The following B3GNT2 variants were observed in gnomAD, a reference collection of about 807,000 sequenced individuals.
B3GNT2 encodes UDP-GlcNAc:betaGal beta-1,3-N-acetylglucosaminyltransferase 2, also known as N-acetyllactosaminide beta-1,3-N-acetylglucosaminyltransferase 2.
B3GNT2 carries 12 observed loss-of-function variants against 27.6 expected under a neutral mutation model. The ratio of observed to expected loss-of-function variants is 0.44; its 90% CI spans 0.28 to 0.71. The LOEUF is 0.71. Ranked by LOEUF, B3GNT2 falls within the 30% of genes least tolerant of loss-of-function variation. The pLI is 0.17. For synonymous variants in B3GNT2, 192 were observed against 189.7 expected (o/e 1.01, Z -0.10); for missense variants, 413 against 488.5 (o/e 0.85, Z 1.46).
At chr2:62,212,746 G>C (rs1020825766) in intron 1 of B3GNT2, among the ~76,000 whole-genome samples, 2 of 151,970 alleles carry the variant, frequency 1.3e-5, no homozygotes, top group South Asian at 4.2e-4. Context: ...TTTTTCATCT[G>C]TTCCAGGGCA....
At chr2:62,208,092 T>C (rs1334531863) in intron 1 of B3GNT2, among the ~76,000 whole-genome samples, 1 of 152,180 alleles carries the variant, frequency 6.6e-6, no homozygotes, top group Non-Finnish European at 1.5e-5. Flanking sequence ...TCTTGTACAT[T>C]TTACTATGTA....
chr2:62,221,253 T>C (rs1363328622), intron 1 of B3GNT2, among the ~76,000 whole-genome samples: 1 of 152,250 alleles, frequency 6.6e-6, no homozygotes, highest in Non-Finnish European at 1.5e-5. Flanking sequence ...TCCCTTTCTA[T>C]TGCCGAGGGG....
At chr2:62,212,353 C>T (rs1674496876) in intron 1 of B3GNT2, among the ~76,000 whole-genome samples, 1 of 152,130 alleles carries the variant, frequency 6.6e-6, no homozygotes, top group African/African-American at 2.4e-5. Context: ...ATCATTGCTT[C>T]CTACAGCCTC....
chr2:62,220,841 G>T (rs1409893748), intron 1 of B3GNT2, among the ~76,000 whole-genome samples: 1 of 152,074 alleles, frequency 6.6e-6, no homozygotes, highest in African/African-American at 2.4e-5. Flanking sequence ...TCTTGTATAG[G>T]TCATCCATGT....
Position 62,222,197 on chromosome 2 carries a change from A to G in B3GNT2, c.-9-15A>G, listed in dbSNP as rs1232566609. On this transcript the variant is annotated splice_polypyrimidine_tract_variant and intron_variant, in intron 1 of 1. Transcript: ENST00000301998. This position sits in a 1 kb window ranked among gnomAD's most constrained non-coding sequence, Gnocchi z 4.2. Reference sequence around the variant, plus strand: ...TGATAAGTAATTGATACAATACTCCACCCCTTTATTCCAGATATGAGAAAT... The same window carrying G: ...TGATAAGTAATTGATACAATACTCCGCCCCTTTATTCCAGATATGAGAAAT... 6.4e-6 allele frequency: 10 copies of G among 1,558,666 alleles called. No individual in the cohort carries two copies. The highest frequency in any genetic ancestry group is 8.7e-6 in the Non-Finnish European group (10 of 1,153,912).
chr2:62,201,272 C>G (rs1204615299), intron 1 of B3GNT2, among the ~76,000 whole-genome samples: 1 of 152,206 alleles, frequency 6.6e-6, no homozygotes, highest in Non-Finnish European at 1.5e-5. Context: ...CATTTCCTCT[C>G]TAAAGACAGT....
At chr2:62,202,088 T>A (rs1674276442) in intron 1 of B3GNT2, among the ~76,000 whole-genome samples, 1 of 152,202 alleles carries the variant, frequency 6.6e-6, no homozygotes, top group South Asian at 2.1e-4. Context: ...TTTGGTGAAG[T>A]GAGCAGTTTG....
intron 1 of B3GNT2, among the ~76,000 whole-genome samples, chr2:62,198,979 C>T (rs1573255402): frequency 6.6e-6 from 1 of 152,104 alleles, no homozygotes. Flanking sequence ...CTCACTCTCC[C>T]GCCCAGGCTG....
intron 1 of B3GNT2, among the ~76,000 whole-genome samples, chr2:62,206,541 C>G (rs193186237): frequency 4.9e-4 from 74 of 152,212 alleles, no homozygotes; most frequent in African/African-American, 1.6e-3. Context: ...AGTGTTAGAC[C>G]ATGCACTTTA....
intron 1 of B3GNT2, among the ~76,000 whole-genome samples, chr2:62,210,915 T>G (rs1430065802): frequency 6.6e-6 from 1 of 152,196 alleles, no homozygotes. Context: ...AATAGCTTGA[T>G]TCTATGCTAA....
chr2:62,203,543 G>C (rs987632303), intron 1 of B3GNT2, among the ~76,000 whole-genome samples: 1 of 152,156 alleles, frequency 6.6e-6, no homozygotes, highest in Admixed American at 6.5e-5. Context: ...GGGTAGACAT[G>C]GTGGCCAGCA....
At chr2:62,210,055 A>T (rs565856799) in intron 1 of B3GNT2, among the ~76,000 whole-genome samples, 66 of 152,150 alleles carry the variant, frequency 4.3e-4, no homozygotes, top group African/African-American at 1.4e-3. Flanking sequence ...TTACTTTCTC[A>T]TATCAATTTG....
At chr2:62,207,865 A>G (rs907066564) in intron 1 of B3GNT2, among the ~76,000 whole-genome samples, 6 of 152,114 alleles carry the variant, frequency 3.9e-5, no homozygotes, top group African/African-American at 1.4e-4. Context: ...CCTGCCATAG[A>G]TTATTCTTGC....
In B3GNT2 at chr2:62,222,838, A is replaced by G. The variant is rs373680243; in HGVS notation, c.618A>G (p.Gln206=). The part of the protein sequence containing the change: ...DMLKFESEKH[Q]DILMWNYRDT... ...TGAAATTTGAGAGTGAGAAGCACCA[A>G]GACATTCTTATGTGGAACTACAGAG... Residue 206 remains glutamine, a synonymous_variant, in exon 2 of 2, where the codon CAA becomes CAG. Coordinates refer to ENST00000301998, the MANE Select transcript of B3GNT2 (RefSeq NM_006577.6). This position sits in a 1 kb window ranked among gnomAD's most constrained non-coding sequence, Gnocchi z 4.2. 2 of 1,614,060 alleles carry G rather than the reference A, an allele frequency of 1.2e-6. No individual in the cohort carries two copies. The highest frequency in any genetic ancestry group is 2.7e-5 in the African/African-American group (2 of 74,932).
chr2:62,211,106 A>G (rs1203533952), intron 1 of B3GNT2, among the ~76,000 whole-genome samples: 1 of 152,236 alleles, frequency 6.6e-6, no homozygotes. Context: ...CTGTAATCCC[A>G]GCACTTTGGG....
rs1264155329 is a variant in B3GNT2 at position 62,224,538 on chromosome 2, GT to G, written c.*1126del. Reference sequence around the variant, plus strand: ...GGTGTAACATATGTTAAATAAAACTGTTATTTTTGAATTTTAAAATTTGTTT... The same window carrying G: ...GGTGTAACATATGTTAAATAAAACTGTATTTTTGAATTTTAAAATTTGTTT... On this transcript the variant is annotated 3_prime_UTR_variant, in exon 2 of 2. Transcript: ENST00000301998. 6.0e-6 allele frequency: 1 copy of G among 166,982 alleles called. No individual in the cohort carries two copies. Among genetic ancestry groups the G allele is most frequent in the African/African-American group, 2.4e-5 (1 of 41,432 alleles). The allele number at this position is 166,982 out of a possible 1,614,324, so 10.3% of individuals were successfully genotyped here.
intron 1 of B3GNT2, among the ~76,000 whole-genome samples, chr2:62,217,822 A>G (rs1037025644): frequency 3.9e-4 from 59 of 152,368 alleles, no homozygotes; most frequent in African/African-American, 1.4e-3. Context: ...TAGTTTCAGC[A>G]TCATGTCTAC....
chr2:62,210,121 C>T (rs1265150538), intron 1 of B3GNT2, among the ~76,000 whole-genome samples: 1 of 152,186 alleles, frequency 6.6e-6, no homozygotes, highest in Non-Finnish European at 1.5e-5. Flanking sequence ...TTACATCTTC[C>T]TGGATGGGTA....
Position 62,223,259 on chromosome 2 carries a change from C to T in B3GNT2, c.1039C>T (p.Pro347Ser). 1 of 1,614,096 alleles carries T rather than the reference C, an allele frequency of 6.2e-7. No individual in the cohort carries two copies. Among genetic ancestry groups the T allele is most frequent in the Non-Finnish European group, 8.5e-7 (1 of 1,180,032 alleles). ...GMCLQKLGLV[P>S]EKHKGFRTFD... ...GTGCCTTCAGAAACTCGGCCTCGTTCCAGAGAAACACAAAGGCTTCAGGAC... is the reference window on the plus strand; with the variant it reads ...GTGCCTTCAGAAACTCGGCCTCGTTTCAGAGAAACACAAAGGCTTCAGGAC... Residue 347 changes from proline to serine, a missense_variant, in exon 2 of 2, where the codon CCA (proline) becomes TCA (serine). Coordinates refer to ENST00000301998, the MANE Select transcript of B3GNT2 (RefSeq NM_006577.6).
Sources: allele counts gnomAD v4.1 joint callset (sites outside exome capture counted in the v4.1 genomes callset), GRCh38; gene constraint gnomAD v4.1.1; non-coding constraint Gnocchi (gnomAD v3.1); transcripts MANE v1.5; gene names NCBI Gene and HGNC (gene_info 2026-07-23, HGNC 2026-07-21).